Variants in EYS observed in about 807,000 individuals in gnomAD.
The protein encoded by EYS is protein eyes shut homolog.
In EYS, 250 loss-of-function variants were observed where a neutral mutation model predicts 282.1. That is an observed-to-expected ratio of 0.89 (90% CI 0.80 to 0.98). The LOEUF is 0.98. Ranked by LOEUF, EYS falls within the 50% of genes least tolerant of loss-of-function variation. EYS has a pLI of 0.00. For synonymous variants in EYS, 1,355 were observed against 1,282.9 expected (o/e 1.06, Z -1.20); for missense variants, 4,016 against 3,709.0 (o/e 1.08, Z -2.15).
chr6:65,280,093 T>C (rs965558008), intron 12 of EYS, among the ~76,000 whole-genome samples: 5 of 152,186 alleles, frequency 3.3e-5, no homozygotes, highest in African/African-American at 1.2e-4. Context: ...AGTAGATTTA[T>C]ATTATTTCTG....
At chr6:64,605,485 C>A (rs1282634861) in intron 24 of EYS, among the ~76,000 whole-genome samples, 2 of 151,872 alleles carry the variant, frequency 1.3e-5, no homozygotes, top group African/African-American at 4.8e-5. Context: ...ATAATTACTA[C>A]AGGTGCAAAT....
intron 2 of EYS, among the ~76,000 whole-genome samples, chr6:65,560,604 C>T (rs1048424687): frequency 2.6e-5 from 4 of 151,556 alleles, no homozygotes; most frequent in African/African-American, 9.7e-5. Context: ...TGATGGCATG[C>T]ATCTCTGCCA....
chr6:65,491,866 C>T (rs1766058211), intron 4 of EYS, among the ~76,000 whole-genome samples: 1 of 151,926 alleles, frequency 6.6e-6, no homozygotes, highest in Non-Finnish European at 1.5e-5. Flanking sequence ...TAGGGTGCGT[C>T]CTAATCCAAT....
intron 26 of EYS, among the ~76,000 whole-genome samples, chr6:64,546,765 T>C (rs974418440): frequency 6.6e-6 from 1 of 152,050 alleles, no homozygotes; most frequent in African/African-American, 2.4e-5. Context: ...AAAAGACACA[T>C]GAAAAAATGC....
intron 26 of EYS, among the ~76,000 whole-genome samples, chr6:64,573,999 C>T (rs1765804076): frequency 6.6e-6 from 1 of 152,096 alleles, no homozygotes; most frequent in Non-Finnish European, 1.5e-5. Context: ...CAGGACTATT[C>T]ACAATAGCAA....
At chr6:64,795,456 T>G (rs948422157) in intron 22 of EYS, among the ~76,000 whole-genome samples, 42 of 152,156 alleles carry the variant, frequency 2.8e-4, no homozygotes, top group African/African-American at 9.7e-4. Context: ...TAGGATTATT[T>G]TATGTTTCTA....
In EYS at chr6:64,399,757, G is replaced by A. The variant is rs76279896; in HGVS notation, c.5928-10917C>T. Reference sequence around the variant, plus strand: ...CCTGACTGAAATTTTGGTACCTGATGTATGGAGAGTATCAAGATGACTGAA... The same window carrying A: ...CCTGACTGAAATTTTGGTACCTGATATATGGAGAGTATCAAGATGACTGAA... On this transcript the variant is annotated intron_variant, in intron 28 of 42. Coordinates refer to ENST00000503581, the MANE Select transcript of EYS (RefSeq NM_001142800.2). Among the ~76,000 whole-genome samples the A allele has an allele frequency of 1.7e-4, 26 of 151,916 alleles. No homozygotes were observed. The East Asian group carries it at 4.6e-3, about 27-fold the overall frequency.
intron 26 of EYS, among the ~76,000 whole-genome samples, chr6:64,478,812 A>G (rs953271609): frequency 6.6e-6 from 1 of 151,306 alleles, no homozygotes; most frequent in Non-Finnish European, 1.5e-5. Context: ...AATTGATTTT[A>G]TCTTAATTTA....
At chr6:64,842,768 A>G (rs982702430) in intron 19 of EYS, among the ~76,000 whole-genome samples, 3 of 152,100 alleles carry the variant, frequency 2.0e-5, no homozygotes, top group African/African-American at 7.2e-5. Context: ...ATCTGATGGA[A>G]GAAAATTCTA....
At chr6:65,334,434 A>G (rs1439414225) in intron 11 of EYS, among the ~76,000 whole-genome samples, 1 of 151,222 alleles carries the variant, frequency 6.6e-6, no homozygotes, top group Non-Finnish European at 1.5e-5. Flanking sequence ...CACCTGGCTG[A>G]TTTTTTTAAG....
At chr6:64,073,578 GAGAA>G (rs768254209) in intron 32 of EYS, among the ~76,000 whole-genome samples, 16 of 151,738 alleles carry the variant, frequency 1.1e-4, no homozygotes, top group South Asian at 4.1e-4. Context: ...ATTAGGAAAA[GAGAA>G]AGAAACTTGA....
intron 31 of EYS, among the ~76,000 whole-genome samples, chr6:64,227,833 G>A (rs1057091752): frequency 2.0e-4 from 30 of 151,814 alleles, no homozygotes; most frequent in Non-Finnish European, 4.3e-4. Flanking sequence ...TCTGTAAATC[G>A]TAAGCATTTA....
intron 22 of EYS, among the ~76,000 whole-genome samples, chr6:64,716,026 G>A (rs935936387): frequency 6.6e-6 from 1 of 152,262 alleles, no homozygotes; most frequent in African/African-American, 2.4e-5. Flanking sequence ...AGAAACAAGT[G>A]CTCTGCCTCC....
intron 5 of EYS, among the ~76,000 whole-genome samples, chr6:65,467,569 T>A (rs978800491): frequency 1.3e-4 from 19 of 151,738 alleles, no homozygotes; most frequent in Admixed American, 1.2e-3. Flanking sequence ...AGAGAAACTA[T>A]CATAATGAAG....
chr6:64,672,564 C>T (rs1769503367), intron 22 of EYS, among the ~76,000 whole-genome samples: 1 of 152,094 alleles, frequency 6.6e-6, no homozygotes, highest in Non-Finnish European at 1.5e-5. Context: ...TTGTATTGCT[C>T]ACATACTAAT....
Position 63,984,417 on chromosome 6 carries a change from G to T in EYS, c.7021C>A (p.His2341Asn), listed in dbSNP as rs1767255161. 1 of 1,549,366 alleles carries T rather than the reference G, an allele frequency of 6.5e-7. No individual in the cohort carries two copies. The highest frequency in any genetic ancestry group is 8.7e-7 in the Non-Finnish European group (1 of 1,145,452). Reference sequence around the variant, plus strand: ...GTGCCATTGTTGCGGCACAGATGATGAGCACACCAAGGGACGTGGCAGTTC... The same window carrying T: ...GTGCCATTGTTGCGGCACAGATGATTAGCACACCAAGGGACGTGGCAGTTC... Reference protein sequence around the residue: ...IENCHVPWCAHHLCRNNGTCI... With the variant: ...IENCHVPWCANHLCRNNGTCI... Residue 2341 changes from histidine (H) to asparagine (N), a missense_variant, in exon 35 of 43, where the codon CAT becomes AAT. His to Asn is a moderately conservative substitution (Grantham distance 68, BLOSUM62 1). Coordinates refer to ENST00000503581, the MANE Select transcript of EYS (RefSeq NM_001142800.2).
At chr6:65,184,708 C>T (rs989591012) in intron 12 of EYS, among the ~76,000 whole-genome samples, 2 of 151,342 alleles carry the variant, frequency 1.3e-5, no homozygotes, top group African/African-American at 4.8e-5. Flanking sequence ...AGAAAAATAA[C>T]ACCTAATGCT....
At chr6:64,411,935 A>G (rs931175382) in intron 28 of EYS, among the ~76,000 whole-genome samples, 1 of 151,686 alleles carries the variant, frequency 6.6e-6, no homozygotes, top group Non-Finnish European at 1.5e-5. Context: ...GTATGTATAT[A>G]TGTTTATATA....
intron 2 of EYS, among the ~76,000 whole-genome samples, chr6:65,625,308 G>A (rs776110196): frequency 3.9e-5 from 6 of 152,174 alleles, no homozygotes; most frequent in Non-Finnish European, 5.9e-5. Flanking sequence ...AGAGAAACTA[G>A]CTGAAATCAC....
Sources: allele counts gnomAD v4.1 joint callset (sites outside exome capture counted in the v4.1 genomes callset), GRCh38; gene constraint gnomAD v4.1.1; transcripts MANE v1.5; gene names NCBI Gene and HGNC (gene_info 2026-07-23, HGNC 2026-07-21).